DPP6: variants seen among roughly 807,000 people sequenced by gnomAD.
DPP6 encodes the protein A-type potassium channel modulatory protein DPP6.
Under a neutral mutation model 122.6 loss-of-function variants are expected in DPP6, and 69 were observed. The observed-to-expected ratio is 0.56, with a 90% CI of 0.46 to 0.69. DPP6 has a LOEUF of 0.69. Among genes scored for constraint, DPP6 ranks in the 30% least tolerant of loss-of-function variants. The pLI, the probability that DPP6 is intolerant of heterozygous loss-of-function variation, is 0.00. For missense variants in DPP6, 928 were observed against 1,116.9 expected (o/e 0.83, Z 2.41); for synonymous variants, 418 against 433.1 (o/e 0.97, Z 0.43).
chr7:154,259,080 G>A (rs1375525157), intron 1 of DPP6, among the ~76,000 whole-genome samples: 1 of 152,180 alleles, frequency 6.6e-6, no homozygotes, highest in Non-Finnish European at 1.5e-5. Flanking sequence ...CCTGTCACAC[G>A]CGGAGAACCC....
chr7:154,444,620 T>C (rs1819698264), intron 1 of DPP6, among the ~76,000 whole-genome samples: 1 of 152,218 alleles, frequency 6.6e-6, no homozygotes, highest in Non-Finnish European at 1.5e-5. Context: ...GTTTGAGGAA[T>C]GTCAACTGGG....
chr7:154,362,549 G>A (rs2151100570), intron 1 of DPP6, among the ~76,000 whole-genome samples: 1 of 151,854 alleles, frequency 6.6e-6, no homozygotes, highest in South Asian at 2.1e-4. Context: ...TGAGTAGCTG[G>A]GATTACAGGT....
chr7:154,423,743 A>T (rs1298460950), intron 1 of DPP6, among the ~76,000 whole-genome samples: 1 of 152,224 alleles, frequency 6.6e-6, no homozygotes, highest in African/African-American at 2.4e-5. Flanking sequence ...CTCAGTGATG[A>T]TTAATGAATT....
intron 3 of DPP6, among the ~76,000 whole-genome samples, chr7:154,500,087 C>T (rs995707852): frequency 1.3e-5 from 2 of 152,068 alleles, no homozygotes; most frequent in East Asian, 3.9e-4. Context: ...ACTCAGTTCC[C>T]GTGGGTTTTA....
the DPP6 span, among the ~76,000 whole-genome samples, chr7:153,832,461 G>A: frequency 1.3e-5 from 2 of 152,194 alleles, no homozygotes; most frequent in African/African-American, 4.8e-5. Flanking sequence ...TGATACAGAT[G>A]TTTGCATTTT....
chr7:153,961,302 T>A (rs1477597974), intron 1 of DPP6, among the ~76,000 whole-genome samples: 2 of 150,070 alleles, frequency 1.3e-5, no homozygotes, highest in African/African-American at 5.0e-5. Context: ...TAAGCTCCTA[T>A]GAGAAGTTGG....
At chr7:154,425,571 T>C (rs1164227900) in intron 1 of DPP6, among the ~76,000 whole-genome samples, 2 of 151,836 alleles carry the variant, frequency 1.3e-5, no homozygotes, top group East Asian at 3.9e-4. Flanking sequence ...TGGAATTTCT[T>C]TCTTCTGTTT....
chr7:154,293,244 C>T (rs1805321112), intron 1 of DPP6, among the ~76,000 whole-genome samples: 1 of 152,138 alleles, frequency 6.6e-6, no homozygotes, highest in African/African-American at 2.4e-5. Context: ...ATCTAGCTTC[C>T]GCTGGTATTT....
At chr7:154,091,774 T>C (rs1585357343) in intron 1 of DPP6, among the ~76,000 whole-genome samples, 1 of 152,058 alleles carries the variant, frequency 6.6e-6, no homozygotes, top group Admixed American at 6.5e-5. Context: ...CCTCCCGATG[T>C]ACCAGATGAA....
chr7:153,784,463 T>A, the DPP6 span, among the ~76,000 whole-genome samples: 1 of 152,218 alleles, frequency 6.6e-6, no homozygotes. Flanking sequence ...AAGAATTAAA[T>A]TGTTTGAAAG....
intron 1 of DPP6, among the ~76,000 whole-genome samples, chr7:154,343,801 G>A (rs1045071054): frequency 2.6e-5 from 4 of 152,034 alleles, no homozygotes; most frequent in African/African-American, 4.8e-5. Flanking sequence ...GGCTGGTATC[G>A]AAATCCTGAC....
the DPP6 span, among the ~76,000 whole-genome samples, chr7:153,846,449 G>T: frequency 0.089 from 13,509 of 151,898 alleles, 667 homozygotes; most frequent in South Asian, 0.2. Flanking sequence ...GATGGACAAA[G>T]GTTTTTTACA....
chr7:154,250,998 G>A (rs536350936), intron 1 of DPP6, among the ~76,000 whole-genome samples: 6 of 152,362 alleles, frequency 3.9e-5, no homozygotes, highest in Admixed American at 2.6e-4. Flanking sequence ...TGGACTTCCC[G>A]AAATTATGGT....
At chr7:153,845,889 G>T in the DPP6 span, among the ~76,000 whole-genome samples, 1 of 151,868 alleles carries the variant, frequency 6.6e-6, no homozygotes, top group African/African-American at 2.4e-5. Context: ...GTAATGCCCA[G>T]GTTTGAATGC....
At chr7:154,297,469 T>C (rs1805618204) in intron 1 of DPP6, among the ~76,000 whole-genome samples, 1 of 152,208 alleles carries the variant, frequency 6.6e-6, no homozygotes, top group Non-Finnish European at 1.5e-5. Flanking sequence ...TCAACATAAA[T>C]ATAGTAGGTC....
intron 16 of DPP6, among the ~76,000 whole-genome samples, chr7:154,841,733 G>A (rs577562574): frequency 5.9e-5 from 9 of 151,678 alleles, no homozygotes; most frequent in Admixed American, 2.0e-4. Flanking sequence ...TTTTGTGAGC[G>A]TGTAAAACAA....
chr7:154,594,608 T>G (rs916806801), intron 5 of DPP6, among the ~76,000 whole-genome samples: 1 of 152,202 alleles, frequency 6.6e-6, no homozygotes, highest in African/African-American at 2.4e-5. Context: ...TCCACTCTTA[T>G]GTTTTTATTT....
intron 6 of DPP6, among the ~76,000 whole-genome samples, chr7:154,656,036 G>A (rs951171233): frequency 3.3e-5 from 5 of 151,932 alleles, no homozygotes; most frequent in African/African-American, 1.2e-4. Context: ...GAAGGCCAGA[G>A]ATGTGGACAC....
chr7:154,141,794 T>G (rs1195892057), intron 1 of DPP6, among the ~76,000 whole-genome samples: 2 of 152,196 alleles, frequency 1.3e-5, no homozygotes, highest in African/African-American at 4.8e-5. Context: ...AGGCCCACAT[T>G]TGTGGCAATC....
Sources: allele counts gnomAD v4.1 joint callset (sites outside exome capture counted in the v4.1 genomes callset), GRCh38; gene constraint gnomAD v4.1.1; transcripts MANE v1.5; gene names NCBI Gene and HGNC (gene_info 2026-07-23, HGNC 2026-07-21).